Variants in TNKS observed in about 807,000 individuals in gnomAD.
TNKS encodes tankyrase, also known as poly [ADP-ribose] polymerase tankyrase-1.
Under a neutral mutation model 135.8 loss-of-function variants are expected in TNKS, and 72 were observed. The observed-to-expected ratio is 0.53, with a 90% CI of 0.44 to 0.64. The LOEUF (loss-of-function observed/expected upper bound fraction) is 0.64. TNKS is among the 30% of genes least tolerant of loss of function. TNKS has a pLI of 0.00. For missense variants in TNKS, 1,769 were observed against 1,674.0 expected (o/e 1.06, Z -0.99); for synonymous variants, 849 against 649.3 (o/e 1.31, Z -4.68).
At chr8:9,655,363 A>G (rs962491481) in intron 3 of TNKS, among the ~76,000 whole-genome samples, 1 of 152,224 alleles carries the variant, frequency 6.6e-6, no homozygotes, top group Non-Finnish European at 1.5e-5. Flanking sequence ...GCAGACTTAA[A>G]TGTCCCTGTC....
chr8:9,568,251 G>C (rs190889429), intron 1 of TNKS, among the ~76,000 whole-genome samples: 50 of 152,232 alleles, frequency 3.3e-4, no homozygotes, highest in African/African-American at 1.0e-3. Flanking sequence ...CCCTTGGTTT[G>C]TTTCTCAGGG....
chr8:9,741,647 T>C, intron 17 of TNKS: 1 of 492,030 alleles, frequency 2.0e-6, no homozygotes, highest in Non-Finnish European at 4.4e-6. Context: ...GTATTTTACC[T>C]TTTGATCCCC....
At chr8:9,753,050 C>T (rs1489315171) in intron 20 of TNKS, among the ~76,000 whole-genome samples, 1 of 151,842 alleles carries the variant, frequency 6.6e-6, no homozygotes, top group Non-Finnish European at 1.5e-5. Context: ...AAACCCACAA[C>T]ACATTTCTAT....
chr8:9,668,113 A>T (rs746472317), intron 3 of TNKS, among the ~76,000 whole-genome samples: 40 of 152,174 alleles, frequency 2.6e-4, no homozygotes, highest in Non-Finnish European at 5.0e-4. Context: ...TGTGAACATT[A>T]TCTGTCAGGT....
At position 9,604,429 on chromosome 8, in the gene TNKS, G is replaced by A. The variant is rs139374156; in HGVS notation, c.899-11153G>A. Among the ~76,000 whole-genome samples, 329 of 152,078 alleles carry A rather than the reference G, an allele frequency of 2.2e-3. 1 individual carries two copies. Among genetic ancestry groups the A allele is most frequent in the African/African-American group, 7.6e-3 (316 of 41,502 alleles). ...TACAGCTGCAAAATAATTGCTTTTT[G>A]CAAGTTGGTAGTAGAATTAAATAGA... On this transcript the variant is annotated intron_variant, in intron 2 of 26. Transcript: ENST00000310430.
chr8:9,637,357 C>A (rs1800551652), intron 3 of TNKS, among the ~76,000 whole-genome samples: 1 of 152,066 alleles, frequency 6.6e-6, no homozygotes, highest in African/African-American at 2.4e-5. Flanking sequence ...CAGGTTCTTT[C>A]TTTGTGGGGA....
Position 9,622,990 on chromosome 8 carries a change from A to T in TNKS, c.994+7313A>T, listed in dbSNP as rs115298656. 1.9e-3 allele frequency among the ~76,000 whole-genome samples: 287 copies of T among 152,300 alleles called. 1 individual carries two copies. Among genetic ancestry groups the T allele is most frequent in the African/African-American group, 6.6e-3 (275 of 41,562 alleles). On this transcript the variant is annotated intron_variant, in intron 3 of 26. Transcript: ENST00000310430. Reference sequence around the variant, plus strand: ...AATTAGGCACAGTAAGAGATTAACAACCATACCAATAATAAAATAGAACAG... The same window carrying T: ...AATTAGGCACAGTAAGAGATTAACATCCATACCAATAATAAAATAGAACAG...
At position 9,556,295 on chromosome 8, in the gene TNKS, A is replaced by G. The variant is rs1480045817; in HGVS notation, c.356A>G (p.Asn119Ser). 6.2e-7 allele frequency: 1 copy of G among 1,614,172 alleles called. No homozygotes were observed. ...STSSAAGVAPNPAGSGSNNSP... is the reference protein window; with the variant it reads ...STSSAAGVAPSPAGSGSNNSP... ...TCATCTGCCGCTGGGGTCGCTCCCA[A>G]CCCAGCCGGCAGTGGCAGTAACAAT... The change falls in exon 1 of 27, where the codon AAC (asparagine) becomes AGC (serine). Residue 119 changes from asparagine to serine, a missense_variant. By Grantham distance (46) the Asn-to-Ser change is conservative. Around this residue, in one of 5 missense-constraint regions of TNKS, gnomAD observed 450 missense variants for 304.9 expected, o/e 1.48. Transcript: ENST00000310430.
intron 3 of TNKS, among the ~76,000 whole-genome samples, chr8:9,636,299 T>C (rs1800508684): frequency 6.6e-6 from 1 of 152,216 alleles, no homozygotes; most frequent in African/African-American, 2.4e-5. Context: ...GTGATCATGC[T>C]GGGCATAAGA....
At chr8:9,646,163 A>C (rs1029447662) in intron 3 of TNKS, among the ~76,000 whole-genome samples, 3 of 152,062 alleles carry the variant, frequency 2.0e-5, no homozygotes, top group Non-Finnish European at 4.4e-5. Context: ...GCTTACTTAC[A>C]TTGCTTGCAT....
chr8:9,723,703 T>C (rs999722106), intron 12 of TNKS, among the ~76,000 whole-genome samples: 5 of 152,348 alleles, frequency 3.3e-5, no homozygotes, highest in Admixed American at 2.6e-4. Flanking sequence ...AAATGGAAAA[T>C]CTTTCCATTA....
At chr8:9,679,709 TTGTC>T in intron 3 of TNKS, 5 of 459,610 alleles carry the variant, frequency 1.1e-5, no homozygotes, top group Non-Finnish European at 2.0e-5. Flanking sequence ...CATTCATTGG[TTGTC>T]TGAAGAAAGC....
chr8:9,609,039 T>A lies in TNKS; in HGVS notation c.899-6543T>A, dbSNP rs553849486. ...TCGTTATATTTTTATTTCTAAAAGT[T>A]CTGTTTAATTCTTTTATACATTTGC... On this transcript the variant is annotated intron_variant, in intron 2 of 26. Coordinates refer to ENST00000310430, the MANE Select transcript of TNKS (RefSeq NM_003747.3). Among the ~76,000 whole-genome samples the A allele has an allele frequency of 3.3e-5, 5 of 152,330 alleles. No homozygotes were observed. In the South Asian group the frequency reaches 1.0e-3, roughly 32 times the overall value.
intron 20 of TNKS, among the ~76,000 whole-genome samples, chr8:9,758,085 A>G (rs912349649): frequency 6.6e-6 from 1 of 152,190 alleles, no homozygotes; most frequent in Admixed American, 6.5e-5. Flanking sequence ...TACTATTTTT[A>G]TGACTTCTCT....
rs190733566 is a variant in TNKS at position 9,758,761 on chromosome 8, T to C, written c.3154-2755T>C. On this transcript the variant is annotated intron_variant, in intron 20 of 26. Coordinates refer to ENST00000310430, the MANE Select transcript of TNKS (RefSeq NM_003747.3). ...TCCTCACCTGTGGGCCTCTCCACAGTGACCTTATGGAGTATTACTTACCTG... is the reference window on the plus strand; with the variant it reads ...TCCTCACCTGTGGGCCTCTCCACAGCGACCTTATGGAGTATTACTTACCTG... Among the ~76,000 whole-genome samples the C allele has an allele frequency of 2.7e-3, 414 of 152,336 alleles. 1 individual carries two copies. The highest frequency in any genetic ancestry group is 9.5e-3 in the African/African-American group (397 of 41,576).
chr8:9,763,223 A>G lies in TNKS; in HGVS notation c.3351A>G (p.Glu1117=). 1.9e-6 allele frequency: 3 copies of G among 1,608,814 alleles called. No homozygotes were observed. The highest frequency in any genetic ancestry group is 2.6e-6 in the Non-Finnish European group (3 of 1,176,102). The change falls in exon 22 of 27, where the codon GAA becomes GAG. Residue 1117 remains glutamate (E), a synonymous_variant. Coordinates refer to ENST00000310430, the MANE Select transcript of TNKS (RefSeq NM_003747.3). ...TGGATCTTGCTCCAGAAGATAAAGA[A>G]TATCAGTCAGTGGAAGAAGAGGTAA... ...ILLDLAPEDK[E]YQSVEEEMQS...
chr8:9,575,197 C>T (rs1380578300), intron 1 of TNKS: 1 of 582,882 alleles, frequency 1.7e-6, no homozygotes, highest in African/African-American at 2.0e-5. Flanking sequence ...CGCCATTCTC[C>T]TGCCTCAGCC....
chr8:9,678,866 A>G (rs1015386722), intron 3 of TNKS, among the ~76,000 whole-genome samples: 8 of 152,198 alleles, frequency 5.3e-5, no homozygotes, highest in African/African-American at 1.9e-4. Context: ...ATTTGCTTTC[A>G]TGTAATTATT....
chr8:9,632,424 A>C (rs1800326530), intron 3 of TNKS, among the ~76,000 whole-genome samples: 1 of 152,040 alleles, frequency 6.6e-6, no homozygotes, highest in South Asian at 2.1e-4. Flanking sequence ...TTTTCCCTCT[A>C]TATATTTTTT....
Sources: gnomAD v4.1 joint callset for allele counts (sites outside exome capture counted in the v4.1 genomes callset) on GRCh38, gnomAD v4.1.1 for gene constraint, gnomAD v4.1.1 regional missense constraint, MANE v1.5 for transcripts, NCBI Gene and HGNC (gene_info 2026-07-23, HGNC 2026-07-21) for gene names.